Variants in CACNA1S observed in about 807,000 individuals in gnomAD.
CACNA1S encodes voltage-dependent L-type calcium channel subunit alpha-1S.
Under a neutral mutation model 207.4 loss-of-function variants are expected in CACNA1S, and 126 were observed. The ratio of observed to expected loss-of-function variants is 0.61; its 90% CI spans 0.53 to 0.70. CACNA1S has a LOEUF of 0.70. Among genes scored for constraint, CACNA1S ranks in the 30% least tolerant of loss-of-function variants. The pLI is 0.00. For synonymous variants in CACNA1S, 960 were observed against 932.7 expected (o/e 1.03, Z -0.53); for missense variants, 2,349 against 2,422.8 (o/e 0.97, Z 0.64).
Position 201,069,584 on chromosome 1 carries a change from T to C in CACNA1S, c.2378A>G (p.His793Arg). Residue 793 changes from histidine to arginine, a missense_variant, in exon 18 of 44, where the codon CAC (histidine) becomes CGC (arginine). Physicochemically the swap from His to Arg is conservative, Grantham distance 29. Transcript: ENST00000362061. ...SPTNKIRVLC[H>R]RIVNATWFTN... is the part of the protein sequence containing the mutation. Reference sequence around the variant, plus strand: ...AAACCAGGTGGCATTGACGATGCGGTGACACAGGACACGGATCCTGGTGGG... The same window carrying C: ...AAACCAGGTGGCATTGACGATGCGGCGACACAGGACACGGATCCTGGTGGG... 3 of 1,558,436 alleles carry C rather than the reference T, an allele frequency of 1.9e-6. No homozygotes were observed. The highest frequency in any genetic ancestry group is 2.6e-6 in the Non-Finnish European group (3 of 1,150,252).
At chr1:201,068,446 T>C (rs1661328667) in intron 19 of CACNA1S, among the ~76,000 whole-genome samples, 1 of 150,458 alleles carries the variant, frequency 6.6e-6, no homozygotes, top group African/African-American at 2.4e-5. Flanking sequence ...TTTCATCATG[T>C]TGGCCAGGCT....
chr1:201,094,056 T>C (rs770433460), intron 2 of CACNA1S, 35 bp from the exon 3 acceptor site: 2 of 1,613,882 alleles, frequency 1.2e-6, no homozygotes, highest in Admixed American at 1.7e-5. Context: ...CATGCCTCTG[T>C]GCTCTCTGAG....
chr1:201,094,706 G>T (rs1465434524), intron 2 of CACNA1S, among the ~76,000 whole-genome samples: 1 of 152,006 alleles, frequency 6.6e-6, no homozygotes, highest in Non-Finnish European at 1.5e-5. Context: ...CTTCCTTTAG[G>T]CAGCCCCTTA....
intron 3 of CACNA1S, 92 bp downstream of exon 3, chr1:201,093,790 C>T: frequency 2.0e-6 from 3 of 1,492,742 alleles, no homozygotes; most frequent in East Asian, 2.3e-5. Context: ...GCTGGAGTCC[C>T]ACCCCACCTC....
intron 26 of CACNA1S, among the ~76,000 whole-genome samples, chr1:201,059,968 A>T (rs1439778792): frequency 3.9e-5 from 6 of 152,164 alleles, no homozygotes; most frequent in Non-Finnish European, 8.8e-5. Flanking sequence ...GGCTGCCTCC[A>T]CCCTGCCCTG....
chr1:201,084,805 C>T, intron 9 of CACNA1S, 145 bp downstream of exon 9: 1 of 664,084 alleles, frequency 1.5e-6, no homozygotes. Context: ...AGAGCAGGAA[C>T]TGGCCCTATT....
chr1:201,080,732 G>GGT (rs1553251874), intron 10 of CACNA1S, among the ~76,000 whole-genome samples: 2 of 75,870 alleles, frequency 2.6e-5, no homozygotes, highest in Non-Finnish European at 4.4e-5. Context: ...TTGGTTTGCA[G>GGT]TTTTTTTTTG....
intron 2 of CACNA1S, among the ~76,000 whole-genome samples, chr1:201,100,885 T>C (rs1207919971): frequency 6.6e-6 from 1 of 152,226 alleles, no homozygotes; most frequent in African/African-American, 2.4e-5. Context: ...TTTCAAGTTT[T>C]TATTTGTATA....
At position 201,074,055 on chromosome 1, in the gene CACNA1S, T is replaced by C. The variant is rs577083590; in HGVS notation, c.2064-413A>G. On this transcript the variant is annotated intron_variant, in intron 14 of 43. Coordinates refer to ENST00000362061, the MANE Select transcript of CACNA1S (RefSeq NM_000069.3). ...CACAGGAATGGGTGTCCCATTCCTG[T>C]AGGCATGGGCATTGGAAGAAGCAGA... Among the ~76,000 whole-genome samples the C allele has an allele frequency of 3.9e-5, 6 of 152,190 alleles. No individual in the cohort carries two copies. The East Asian group carries it at 9.7e-4, about 25-fold the overall frequency.
chr1:201,090,459 G>T (rs1487949973), intron 5 of CACNA1S, among the ~76,000 whole-genome samples: 2 of 152,228 alleles, frequency 1.3e-5, no homozygotes. Flanking sequence ...ACTCTTGTGA[G>T]TTGGGTTTAG....
intron 22 of CACNA1S, among the ~76,000 whole-genome samples, chr1:201,063,854 G>T (rs2102578999): frequency 6.6e-6 from 1 of 152,326 alleles, no homozygotes; most frequent in South Asian, 2.1e-4. Context: ...CTGCCACTGG[G>T]CAGGGTCTGG....
intron 43 of CACNA1S, 57 bp from the exon 44 acceptor site, chr1:201,040,139 C>T: frequency 6.2e-7 from 1 of 1,612,050 alleles, no homozygotes. Context: ...ATTTGGGGAC[C>T]TGCCTCTGTT....
chr1:201,066,872 C>T lies in CACNA1S; in HGVS notation c.2657+15G>A, dbSNP rs1364680496. ...GGGTGGTCTGTGCCCAGGGCTGGCCCTTGCCGCTGCTCACTCAAGTCCCAT... is the reference window on the plus strand; with the variant it reads ...GGGTGGTCTGTGCCCAGGGCTGGCCTTTGCCGCTGCTCACTCAAGTCCCAT... On this transcript the variant is annotated intron_variant, in intron 20 of 43. Coordinates refer to ENST00000362061, the MANE Select transcript of CACNA1S (RefSeq NM_000069.3). This position sits in a 1 kb window ranked among gnomAD's most constrained non-coding sequence, Gnocchi z 4.3. 2 of 1,602,694 alleles carry T rather than the reference C, an allele frequency of 1.2e-6. No individual in the cohort carries two copies. Among genetic ancestry groups the T allele is most frequent in the Non-Finnish European group, 1.7e-6 (2 of 1,169,698 alleles).
Position 201,066,166 on chromosome 1 carries a change from G to A in CACNA1S, c.2745+63C>T. 2.0e-6 allele frequency: 3 copies of A among 1,484,208 alleles called. No individual in the cohort carries two copies. The highest frequency in any genetic ancestry group is 2.8e-6 in the Non-Finnish European group (3 of 1,062,634). The allele number at this position is 1,484,208 out of a possible 1,614,324, so 91.9% of individuals were successfully genotyped here. Reference sequence around the variant, plus strand: ...CCATGGCTGGGCTGAGGTTTCTGGAGCGAGGAGGCCCCTGTAACCCCTCCC... The same window carrying A: ...CCATGGCTGGGCTGAGGTTTCTGGAACGAGGAGGCCCCTGTAACCCCTCCC... On this transcript the variant is annotated intron_variant, in intron 21 of 43. Transcript: ENST00000362061. The surrounding 1 kb of genome is among the most constrained non-coding windows in gnomAD (Gnocchi z 4.3).
intron 14 of CACNA1S, among the ~76,000 whole-genome samples, chr1:201,074,166 C>T (rs1267864405): frequency 7.2e-6 from 1 of 139,506 alleles, no homozygotes; most frequent in Non-Finnish European, 1.7e-5. Context: ...ATGTAGAACT[C>T]CAACCCCGCC....
At chr1:201,056,781 C>T (rs1000769173) in intron 28 of CACNA1S, among the ~76,000 whole-genome samples, 3 of 152,188 alleles carry the variant, frequency 2.0e-5, no homozygotes, top group Non-Finnish European at 4.4e-5. Context: ...ACCTCTCTGG[C>T]TGGAACTGCC....
Position 201,053,927 on chromosome 1 carries a change from C to G in CACNA1S, c.3667-340G>C, listed in dbSNP as rs1660743220. Among the ~76,000 whole-genome samples, 1 of 152,146 alleles carries G rather than the reference C, an allele frequency of 6.6e-6. No individual in the cohort carries two copies. The highest frequency in any genetic ancestry group is 2.4e-5 in the African/African-American group (1 of 41,444). ...CCTGCTGCACATCTCACAATCTCCT[C>G]AAGCTGCCACTGAGTCGAGGACCCT... On this transcript the variant is annotated intron_variant, in intron 29 of 43. Transcript: ENST00000362061. The surrounding 1 kb of genome is among the most constrained non-coding windows in gnomAD (Gnocchi z 5.1).
intron 10 of CACNA1S, among the ~76,000 whole-genome samples, chr1:201,080,243 C>T (rs1661794199): frequency 6.6e-6 from 1 of 152,172 alleles, no homozygotes; most frequent in African/African-American, 2.4e-5. Context: ...ACATCAAACT[C>T]ACCATGCCCA....
At position 201,084,998 on chromosome 1, in the gene CACNA1S, G is replaced by C; in HGVS notation, c.1184C>G (p.Thr395Arg). The change falls in exon 9 of 44, where the codon ACA (threonine) becomes AGA (arginine). Residue 395 changes from threonine to arginine, a missense_variant. Coordinates refer to ENST00000362061, the MANE Select transcript of CACNA1S (RefSeq NM_000069.3). ...GCCTGCAATTTCATACAGGCTCTCT[G>C]TGTCAGAGCCACCTTCATCCAAAGA... is the stretch of plus-strand genomic sequence containing the variant. ...KLSLDEGGSD[T>R]ESLYEIAGLN... is the part of the protein sequence containing the mutation. 1 of 1,612,522 alleles carries C rather than the reference G, an allele frequency of 6.2e-7. No individual in the cohort carries two copies. The highest frequency in any genetic ancestry group is 8.5e-7 in the Non-Finnish European group (1 of 1,179,866).
Sources: gnomAD v4.1 joint callset for allele counts (sites outside exome capture counted in the v4.1 genomes callset) on GRCh38, gnomAD v4.1.1 for gene constraint, Gnocchi (gnomAD v3.1) non-coding constraint, MANE v1.5 for transcripts, NCBI Gene and HGNC (gene_info 2026-07-23, HGNC 2026-07-21) for gene names.